CD109: variants seen among roughly 807,000 people sequenced by gnomAD.
CD109 encodes the protein CD109 molecule.
In CD109, 149 loss-of-function variants were observed where a neutral mutation model predicts 165.8. The ratio of observed to expected loss-of-function variants is 0.90; its 90% CI spans 0.79 to 1.03. The LOEUF is 1.03. Ranked by LOEUF, CD109 falls within the 50% of genes least tolerant of loss-of-function variation. CD109 has a pLI of 0.00. For missense variants in CD109, 1,712 were observed against 1,677.8 expected (o/e 1.02, Z -0.36); for synonymous variants, 585 against 592.1 (o/e 0.99, Z 0.18).
At chr6:73,780,078 A>G (rs1774421449) in intron 15 of CD109, among the ~76,000 whole-genome samples, 1 of 151,742 alleles carries the variant, frequency 6.6e-6, no homozygotes, top group South Asian at 2.1e-4. Flanking sequence ...TTAATCTCCA[A>G]CAAAGTTAAC....
intron 30 of CD109, among the ~76,000 whole-genome samples, chr6:73,817,852 C>T (rs1421137713): frequency 6.6e-6 from 1 of 152,138 alleles, no homozygotes; most frequent in Non-Finnish European, 1.5e-5. Context: ...AAATGTTCTT[C>T]AAGTATATGG....
chr6:73,718,034 G>T (rs915582280), intron 2 of CD109, among the ~76,000 whole-genome samples: 14 of 151,890 alleles, frequency 9.2e-5, no homozygotes, highest in Admixed American at 7.2e-4. Context: ...TATTGGCTGG[G>T]CGTGGTGACT....
chr6:73,734,470 A>T lies in CD109; in HGVS notation c.508-1913A>T, dbSNP rs532994975. ...TGTATTTCCTTAATTACTAGACAGC[A>T]TATATTTATTGGCTATTTGTATTTC... On this transcript the variant is annotated intron_variant, in intron 4 of 32. Coordinates refer to ENST00000287097, the MANE Select transcript of CD109 (RefSeq NM_133493.5). 3.3e-5 allele frequency among the ~76,000 whole-genome samples: 5 copies of T among 152,318 alleles called. No homozygotes were observed. In the East Asian group the frequency reaches 9.6e-4, roughly 29 times the overall value.
At chr6:73,808,276 T>C in intron 26 of CD109, 28 bp downstream of exon 26, 1 of 1,583,390 alleles carries the variant, frequency 6.3e-7, no homozygotes, top group East Asian at 2.2e-5. Flanking sequence ...CTTGAGGTTG[T>C]TATGCTTTAT....
intron 3 of CD109, among the ~76,000 whole-genome samples, chr6:73,728,539 A>G (rs140619812): frequency 4.7e-4 from 72 of 152,220 alleles, no homozygotes; most frequent in African/African-American, 1.5e-3. Context: ...CTATCCATCT[A>G]CCCATCTTTC....
At chr6:73,754,015 A>G (rs541636131) in intron 5 of CD109, among the ~76,000 whole-genome samples, 25 of 152,342 alleles carry the variant, frequency 1.6e-4, no homozygotes, top group Non-Finnish European at 2.2e-4. Context: ...AATGATTATC[A>G]TATACTGTGT....
At chr6:73,809,178 G>A (rs764053987) in intron 26 of CD109, among the ~76,000 whole-genome samples, 2 of 152,016 alleles carry the variant, frequency 1.3e-5, no homozygotes, top group Admixed American at 1.3e-4. Flanking sequence ...GGTCCTCTGG[G>A]GACTAGAGCA....
Position 73,766,793 on chromosome 6 carries a change from T to TTCATAG in CD109, c.1370_1375dup (p.His457_Ser458dup), listed in dbSNP as rs1432341569. Reference sequence around the variant, plus strand: ...CTTGGTAGTAAAAGTAGCATGGCAGTTCATAGTCTGTTTAAGTCTCCTAGT... The same window carrying TTCATAG: ...CTTGGTAGTAAAAGTAGCATGGCAGTTCATAGTCATAGTCTGTTTAAGTCTCCTAGT... On this transcript the variant is annotated inframe_insertion, in exon 12 of 33. Coordinates refer to ENST00000287097, the MANE Select transcript of CD109 (RefSeq NM_133493.5). The TTCATAG allele has an allele frequency of 2.6e-5, 42 of 1,613,150 alleles. No homozygotes were observed. The highest frequency in any genetic ancestry group is 3.2e-5 in the Non-Finnish European group (38 of 1,179,398).
chr6:73,782,670 G>A lies in CD109; in HGVS notation c.2020G>A (p.Asp674Asn). The change falls in exon 18 of 33, where the codon GAT (aspartate) becomes AAT (asparagine). Residue 674 changes from aspartate to asparagine, a missense_variant. Coordinates refer to ENST00000287097, the MANE Select transcript of CD109 (RefSeq NM_133493.5). Reference sequence around the variant, plus strand: ...GGAGGAAAATGAAGGACATATTGTAGATATTCATGACTTTTCTTTGGGTAG... The same window carrying A: ...GGAGGAAAATGAAGGACATATTGTAAATATTCATGACTTTTCTTTGGGTAG... Reference protein sequence around the residue: ...FMEENEGHIVDIHDFSLGSSP... With the variant: ...FMEENEGHIVNIHDFSLGSSP... The A allele has an allele frequency of 1.2e-6, 2 of 1,613,840 alleles. No individual in the cohort carries two copies. Among genetic ancestry groups the A allele is most frequent in the Non-Finnish European group, 1.7e-6 (2 of 1,179,800 alleles).
At chr6:73,798,803 CT>C (rs2150280945) in intron 23 of CD109, among the ~76,000 whole-genome samples, 1 of 152,276 alleles carries the variant, frequency 6.6e-6, no homozygotes, top group South Asian at 2.1e-4. Flanking sequence ...ATGATCTCAT[CT>C]CTGACCAGTT....
At chr6:73,721,399 C>T (rs1283811435) in intron 2 of CD109, among the ~76,000 whole-genome samples, 1 of 149,496 alleles carries the variant, frequency 6.7e-6, no homozygotes, top group Non-Finnish European at 1.5e-5. Context: ...GTATCTCCCT[C>T]TGTAGCCCAG....
In CD109 at chr6:73,709,006, T is replaced by C. The variant is rs565033156; in HGVS notation, c.247+11434T>C. Among the ~76,000 whole-genome samples the C allele has an allele frequency of 3.3e-5, 5 of 152,220 alleles. No homozygotes were observed. In the South Asian group the frequency reaches 8.3e-4, roughly 25 times the overall value. ...CTGTGCAGAAGCTCTTTAGTTTAAT[T>C]AGATCCCATTTGTCAATTTTGGCTT... is the stretch of plus-strand genomic sequence containing the variant. On this transcript the variant is annotated intron_variant, in intron 2 of 32. Transcript: ENST00000287097.
chr6:73,802,444 C>T (rs1487005227), intron 23 of CD109, among the ~76,000 whole-genome samples: 1 of 150,534 alleles, frequency 6.6e-6, no homozygotes, highest in Non-Finnish European at 1.5e-5. Context: ...ATTTCCTCCT[C>T]TGTATTGCTG....
rs1319336883 is a variant in CD109, at chr6:73,766,097, T to G, written c.1275T>G (p.Ser425Arg). ...VQKINYTVPQ[S>R]GTFKIEFPIL... ...AAATAAATTATACTGTCCCCCAAAGTGGAACTTTTAAGATTGAATTCCCAA... is the reference window on the plus strand; with the variant it reads ...AAATAAATTATACTGTCCCCCAAAGGGGAACTTTTAAGATTGAATTCCCAA... The change falls in exon 11 of 33, where the codon AGT (serine) becomes AGG (arginine). Residue 425 changes from serine (S) to arginine (R), a missense_variant. Transcript: ENST00000287097. 4 of 1,613,974 alleles carry G rather than the reference T, an allele frequency of 2.5e-6. No homozygotes were observed. The African/African-American group carries it at 5.3e-5, about 22-fold the overall frequency.
intron 7 of CD109, among the ~76,000 whole-genome samples, chr6:73,760,057 A>G (rs888647569): frequency 2.0e-5 from 3 of 152,118 alleles, no homozygotes; most frequent in African/African-American, 7.2e-5. Flanking sequence ...ATTGACTTCC[A>G]TGTCTGGCTC....
At chr6:73,791,579 G>C (rs1244310277) in intron 22 of CD109, among the ~76,000 whole-genome samples, 5 of 151,772 alleles carry the variant, frequency 3.3e-5, no homozygotes, top group South Asian at 2.1e-4. Context: ...ATACCCCGAG[G>C]CTTAATTTTT....
chr6:73,688,860 C>T, the CD109 span, among the ~76,000 whole-genome samples: 2 of 146,172 alleles, frequency 1.4e-5, no homozygotes, highest in Admixed American at 1.4e-4. Context: ...CCTCAATCTC[C>T]CAGACTCAAG....
intron 15 of CD109, among the ~76,000 whole-genome samples, chr6:73,778,468 A>G (rs1168424818): frequency 1.3e-5 from 2 of 152,174 alleles, no homozygotes; most frequent in African/African-American, 2.4e-5. Flanking sequence ...GAGAGAGGGC[A>G]TTCTTGTCTT....
At chr6:73,693,053 A>G (rs117009691), upstream of CD109, among the ~76,000 whole-genome samples, 2,441 of 152,254 alleles carry the variant, frequency 0.016, 33 homozygotes, top group Non-Finnish European at 0.024. Context: ...GTTTTTAATT[A>G]TTTCAGTATT....
Sources: allele counts gnomAD v4.1 joint callset (sites outside exome capture counted in the v4.1 genomes callset), GRCh38; gene constraint gnomAD v4.1.1; transcripts MANE v1.5; gene names NCBI Gene and HGNC (gene_info 2026-07-23, HGNC 2026-07-21).